PHACTR1: variants seen among roughly 807,000 people sequenced by gnomAD.
PHACTR1 encodes RPEL repeat containing 1.
Under a neutral mutation model 69.2 loss-of-function variants are expected in PHACTR1, and 16 were observed. That is an observed-to-expected ratio of 0.23 (90% CI 0.16 to 0.35). The LOEUF (loss-of-function observed/expected upper bound fraction) is 0.35. PHACTR1 is among the 10% of genes least tolerant of loss of function. The pLI is 1.00. For missense variants in PHACTR1, 510 were observed against 734.7 expected (o/e 0.69, Z 3.54); for synonymous variants, 312 against 284.5 (o/e 1.10, Z -0.97).
intron 10 of PHACTR1, among the ~76,000 whole-genome samples, chr6:13,255,982 C>A (rs1418103871): frequency 6.6e-6 from 1 of 152,240 alleles, no homozygotes; most frequent in Admixed American, 6.5e-5. Context: ...CCACATTTTC[C>A]CTCTGCGCTG....
At chr6:12,719,713 T>C (rs1289885809) in intron 3 of PHACTR1, among the ~76,000 whole-genome samples, 2 of 152,232 alleles carry the variant, frequency 1.3e-5, no homozygotes, top group East Asian at 1.9e-4. Context: ...TTTATAATTC[T>C]GGCATCTTTC....
At chr6:12,727,805 AG>A (rs1187186253) in intron 3 of PHACTR1, among the ~76,000 whole-genome samples, 1 of 152,224 alleles carries the variant, frequency 6.6e-6, no homozygotes, top group Non-Finnish European at 1.5e-5. Context: ...CTTCAAAATC[AG>A]CCCACGCCAA....
At chr6:13,221,641 T>C (rs974639021) in intron 8 of PHACTR1, among the ~76,000 whole-genome samples, 1 of 152,234 alleles carries the variant, frequency 6.6e-6, no homozygotes, top group African/African-American at 2.4e-5. Flanking sequence ...CAATAGTACC[T>C]ATCTCTTAGG....
At chr6:13,185,833 A>T (rs1762762385) in intron 7 of PHACTR1, among the ~76,000 whole-genome samples, 1 of 152,350 alleles carries the variant, frequency 6.6e-6, no homozygotes, top group South Asian at 2.1e-4. Context: ...ACATTTTGTA[A>T]CATGTAATGG....
At chr6:12,912,747 G>A (rs1012718689) in intron 4 of PHACTR1, among the ~76,000 whole-genome samples, 3 of 152,214 alleles carry the variant, frequency 2.0e-5, no homozygotes, top group African/African-American at 7.2e-5. Flanking sequence ...GAGCCCAGGA[G>A]TTCGAAATTA....
intron 3 of PHACTR1, among the ~76,000 whole-genome samples, chr6:12,734,349 A>C (rs1561831111): frequency 6.6e-6 from 1 of 152,172 alleles, no homozygotes; most frequent in South Asian, 2.1e-4. Context: ...CGCTAGTAAT[A>C]ATAGTCTTAA....
At chr6:12,914,507 A>G (rs1786752514) in intron 4 of PHACTR1, among the ~76,000 whole-genome samples, 1 of 152,074 alleles carries the variant, frequency 6.6e-6, no homozygotes, top group Non-Finnish European at 1.5e-5. Context: ...TGTATCACCA[A>G]CCTGAGTTCT....
chr6:13,199,605 C>T (rs1198569221), intron 7 of PHACTR1, among the ~76,000 whole-genome samples: 1 of 151,984 alleles, frequency 6.6e-6, no homozygotes. Context: ...GGCAGAAGAA[C>T]CTGAATGCTT....
At chr6:13,131,244 C>T (rs1417885309) in intron 5 of PHACTR1, among the ~76,000 whole-genome samples, 2 of 139,078 alleles carry the variant, frequency 1.4e-5, no homozygotes, top group Non-Finnish European at 3.2e-5. Context: ...CACACACACA[C>T]ACCATGGAAT....
chr6:13,141,064 G>A (rs1822363928), intron 5 of PHACTR1, among the ~76,000 whole-genome samples: 1 of 152,168 alleles, frequency 6.6e-6, no homozygotes, highest in Non-Finnish European at 1.5e-5. Context: ...CAATGGTGAG[G>A]ACCAGCAGAG....
chr6:12,761,665 G>A (rs1267429115), intron 4 of PHACTR1, among the ~76,000 whole-genome samples: 1 of 152,132 alleles, frequency 6.6e-6, no homozygotes, highest in Non-Finnish European at 1.5e-5. Context: ...GTCCAACTTA[G>A]CCCAAGGCAG....
chr6:13,065,051 A>G (rs1462401090), intron 5 of PHACTR1, among the ~76,000 whole-genome samples: 2 of 151,970 alleles, frequency 1.3e-5, no homozygotes, highest in Non-Finnish European at 2.9e-5. Context: ...ACTGAAGAGG[A>G]GCAGATTTGT....
chr6:12,725,281 C>G (rs1457573999), intron 3 of PHACTR1, among the ~76,000 whole-genome samples: 1 of 152,218 alleles, frequency 6.6e-6, no homozygotes, highest in East Asian at 1.9e-4. Context: ...GGACTTCAAA[C>G]ATGGCCCCAA....
At chr6:13,113,961 A>G (rs1304779146) in intron 5 of PHACTR1, among the ~76,000 whole-genome samples, 1 of 152,202 alleles carries the variant, frequency 6.6e-6, no homozygotes, top group Non-Finnish European at 1.5e-5. Context: ...AACTATATTA[A>G]TTTTAGAAAC....
chr6:13,243,059 T>G (rs1309337491), intron 10 of PHACTR1, among the ~76,000 whole-genome samples: 51 of 152,344 alleles, frequency 3.3e-4, no homozygotes, highest in Non-Finnish European at 5.9e-5. Context: ...TTTATGGGTG[T>G]GAATGTATTT....
At chr6:12,919,208 T>A (rs1466035598) in intron 4 of PHACTR1, among the ~76,000 whole-genome samples, 1 of 152,050 alleles carries the variant, frequency 6.6e-6, no homozygotes, top group Non-Finnish European at 1.5e-5. Context: ...AATGGTGCAA[T>A]CTTGGCTCAC....
intron 5 of PHACTR1, among the ~76,000 whole-genome samples, chr6:13,061,255 T>C (rs1315542190): frequency 6.6e-6 from 1 of 152,180 alleles, no homozygotes; most frequent in Non-Finnish European, 1.5e-5. Flanking sequence ...TTGTTGTATC[T>C]GCAAAGACCT....
chr6:12,840,466 G>T (rs1014464233), intron 4 of PHACTR1, among the ~76,000 whole-genome samples: 3 of 152,152 alleles, frequency 2.0e-5, no homozygotes, highest in Non-Finnish European at 4.4e-5. Context: ...TGAGAAAGGG[G>T]CTAGTGGAGC....
chr6:13,190,126 T>C (rs9473643), intron 7 of PHACTR1, among the ~76,000 whole-genome samples: 16,946 of 148,640 alleles, frequency 0.11, 2,815 homozygotes, highest in African/African-American at 0.37. Flanking sequence ...TGGGTTCAAG[T>C]GATTCTCCTG....
Sources: allele counts gnomAD v4.1 joint callset (sites outside exome capture counted in the v4.1 genomes callset), GRCh38; gene constraint gnomAD v4.1.1; transcripts MANE v1.5; gene names NCBI Gene and HGNC (gene_info 2026-07-23, HGNC 2026-07-21).